DOCK2: variants seen among roughly 807,000 people sequenced by gnomAD.
The protein encoded by DOCK2 is dedicator of cytokinesis protein 2.
Under a neutral mutation model 248.9 loss-of-function variants are expected in DOCK2, and 87 were observed. That is an observed-to-expected ratio of 0.35 (90% CI 0.29 to 0.42). The LOEUF is 0.42. Among genes scored for constraint, DOCK2 ranks in the 10% least tolerant of loss-of-function variants. The pLI, the probability that DOCK2 is intolerant of heterozygous loss-of-function variation, is 1.00. For synonymous variants in DOCK2, 805 were observed against 821.6 expected, an observed-to-expected ratio of 0.98 and a Z score of 0.35; for missense variants, 1,747 against 2,300.2, an observed-to-expected ratio of 0.76 and a Z score of 4.92.
intron 27 of DOCK2, among the ~76,000 whole-genome samples, chr5:169,866,884 T>C (rs1771598678): frequency 6.6e-6 from 1 of 152,114 alleles, no homozygotes; most frequent in African/African-American, 2.4e-5. Flanking sequence ...TGGCCACCAG[T>C]TGGGTGTCTT....
chr5:169,733,958 C>CT (rs1188208594), intron 22 of DOCK2, among the ~76,000 whole-genome samples: 2 of 152,080 alleles, frequency 1.3e-5, no homozygotes, highest in Non-Finnish European at 2.9e-5. Context: ...ATTATTCTTG[C>CT]TTTTTTAAAT....
In DOCK2 at chr5:169,939,125, T is replaced by C. The variant is rs185428274; in HGVS notation, c.2800-43943T>C. Among the ~76,000 whole-genome samples, 54 of 152,062 alleles carry C rather than the reference T, an allele frequency of 3.6e-4. No individual in the cohort carries two copies. The South Asian group carries it at 8.5e-3, about 24-fold the overall frequency. ...TTCACCGCATTAGCCAGGATGGTCT[T>C]GATCTCCTGACCTCGTGATCCGCCC... On this transcript the variant is annotated intron_variant, in intron 27 of 51. Coordinates refer to ENST00000520908, the MANE Select transcript of DOCK2 (RefSeq NM_004946.3).
rs143336869 is a variant in DOCK2, at chr5:169,866,729, TACTG to T, written c.2799+25882_2799+25885del. Among the ~76,000 whole-genome samples the T allele has an allele frequency of 4.3e-3, 658 of 152,346 alleles. 2 individuals carry two copies. The highest frequency in any genetic ancestry group is 7.2e-3 in the Non-Finnish European group (491 of 68,034). ...GGGCAGAGGCATGTGCAGACTCACA[TACTG>T]ACTGTCTATTTCAGGAGTCTCTATT... On this transcript the variant is annotated intron_variant, in intron 27 of 51. Transcript: ENST00000520908.
chr5:170,066,767 TG>T lies in DOCK2; in HGVS notation c.4468-741del, dbSNP rs1757506358. ...CCGTCACCTATTTCTGCAGTTTTAT[TG>T]GAACAGCCATTCTCATTCATTTACA... On this transcript the variant is annotated intron_variant, in intron 44 of 51. Coordinates refer to ENST00000520908, the MANE Select transcript of DOCK2 (RefSeq NM_004946.3). Among the ~76,000 whole-genome samples the T allele has an allele frequency of 2.0e-5, 3 of 152,236 alleles. 1 individual carries two copies. The South Asian group carries it at 6.2e-4, about 32-fold the overall frequency.
At chr5:169,781,269 T>C (rs1045550666) in intron 25 of DOCK2, among the ~76,000 whole-genome samples, 4 of 152,208 alleles carry the variant, frequency 2.6e-5, no homozygotes, top group Non-Finnish European at 5.9e-5. Context: ...CAGCTGGGAA[T>C]TGATTTTTTT....
At chr5:170,028,740 AACAC>A (rs59193270) in intron 34 of DOCK2, among the ~76,000 whole-genome samples, 39,269 of 148,610 alleles carry the variant, frequency 0.26, 5,382 homozygotes, top group East Asian at 0.49. Context: ...CTGCTCTGCC[AACAC>A]ACACACACAC....
chr5:169,684,146 T>C, intron 7 of DOCK2, 50 bp from the exon 8 acceptor site: 1 of 1,604,330 alleles, frequency 6.2e-7, no homozygotes, highest in Non-Finnish European at 8.5e-7. Context: ...CTCTAAGTGG[T>C]GCTAGGCTAA....
intron 27 of DOCK2, among the ~76,000 whole-genome samples, chr5:169,848,461 T>C (rs1243276736): frequency 6.6e-6 from 1 of 152,220 alleles, no homozygotes; most frequent in Non-Finnish European, 1.5e-5. Context: ...TTGTGCGTGG[T>C]GAGGGTGTGC....
At chr5:170,004,208 G>A (rs1364273409) in intron 30 of DOCK2, among the ~76,000 whole-genome samples, 1 of 152,188 alleles carries the variant, frequency 6.6e-6, no homozygotes, top group Non-Finnish European at 1.5e-5. Flanking sequence ...ATCGAAATGA[G>A]TATATCCATA....
intron 22 of DOCK2, among the ~76,000 whole-genome samples, chr5:169,741,178 T>A (rs1763284405): frequency 6.6e-6 from 1 of 152,174 alleles, no homozygotes; most frequent in South Asian, 2.1e-4. Flanking sequence ...GTCTTTGCAA[T>A]TTCTTATTTA....
At chr5:170,055,273 C>A (rs374947706) in intron 41 of DOCK2, 32 bp from the exon 42 acceptor site, 2 of 1,606,740 alleles carry the variant, frequency 1.2e-6, no homozygotes, top group South Asian at 2.2e-5. Context: ...CCGCAGCCAA[C>A]AGATATAAGT....
At chr5:169,802,913 TTAACC>T (rs1767088927) in intron 25 of DOCK2, 140 bp from the exon 26 acceptor site, 1 of 1,083,276 alleles carries the variant, frequency 9.2e-7, no homozygotes, top group African/African-American at 1.6e-5. Flanking sequence ...TCAGGAAATC[TTAACC>T]TAATCTTTAA....
intron 25 of DOCK2, among the ~76,000 whole-genome samples, chr5:169,794,275 C>T (rs982982215): frequency 5.9e-5 from 9 of 152,064 alleles, no homozygotes; most frequent in Non-Finnish European, 2.9e-5. Flanking sequence ...TTTTTGTACT[C>T]GGCTTGGCCT....
chr5:169,666,354 C>T (rs1758732327), intron 2 of DOCK2, among the ~76,000 whole-genome samples: 3 of 151,122 alleles, frequency 2.0e-5, no homozygotes, highest in Admixed American at 6.6e-5. Flanking sequence ...CACATTCAGT[C>T]CATAGCAATG....
chr5:169,918,703 A>G (rs971381538), intron 27 of DOCK2, among the ~76,000 whole-genome samples: 1 of 152,204 alleles, frequency 6.6e-6, no homozygotes, highest in Admixed American at 6.5e-5. Flanking sequence ...ACCTGAGTTC[A>G]GGGGTTTGAG....
At chr5:169,749,530 A>G (rs185555138) in intron 23 of DOCK2, among the ~76,000 whole-genome samples, 10 of 152,324 alleles carry the variant, frequency 6.6e-5, no homozygotes, top group Admixed American at 1.3e-4. Flanking sequence ...TAATTAATGT[A>G]TAACACTAGG....
chr5:170,040,987 G>C, intron 36 of DOCK2, 68 bp from the exon 37 acceptor site: 1 of 1,423,700 alleles, frequency 7.0e-7, no homozygotes, highest in Non-Finnish European at 9.9e-7. Flanking sequence ...CTGGGCTCCT[G>C]CTTGTCCCTG....
intron 29 of DOCK2, 151 bp downstream of exon 29, chr5:169,986,073 G>A: frequency 1.5e-6 from 1 of 672,228 alleles, no homozygotes; most frequent in Non-Finnish European, 2.3e-6. Context: ...ACCCAGGGAA[G>A]GACTCCTCAC....
chr5:169,764,368 G>T lies in DOCK2; in HGVS notation c.2554+2743G>T, dbSNP rs2113748732. ...TCATCAGAAGGATCCTATGGAGAAG[G>T]TGGAGAAGGGTTTACTGGTTAAGGA... On this transcript the variant is annotated intron_variant, in intron 25 of 51. Coordinates refer to ENST00000520908, the MANE Select transcript of DOCK2 (RefSeq NM_004946.3). The surrounding 1 kb of genome is among the most constrained non-coding windows in gnomAD (Gnocchi z 4.3). 6.6e-6 allele frequency among the ~76,000 whole-genome samples: 1 copy of T among 152,306 alleles called. No homozygotes were observed. Among genetic ancestry groups the T allele is most frequent in the Admixed American group, 6.5e-5 (1 of 15,296 alleles).
Sources: gnomAD v4.1 joint callset for allele counts (sites outside exome capture counted in the v4.1 genomes callset) on GRCh38, gnomAD v4.1.1 for gene constraint, Gnocchi (gnomAD v3.1) non-coding constraint, MANE v1.5 for transcripts, NCBI Gene and HGNC (gene_info 2026-07-23, HGNC 2026-07-21) for gene names.